Variants in ADAM12 observed in about 807,000 individuals in gnomAD.
ADAM12 encodes ADAM metallopeptidase domain 12.
ADAM12 carries 70 observed loss-of-function variants against 106.4 expected under a neutral mutation model. That is an observed-to-expected ratio of 0.66 (90% CI 0.54 to 0.80). The LOEUF is 0.80. Ranked by LOEUF, ADAM12 falls within the 30% of genes least tolerant of loss-of-function variation. ADAM12 has a pLI of 0.00. For synonymous variants in ADAM12, 420 were observed against 433.5 expected (o/e 0.97, Z 0.39); for missense variants, 1,010 against 1,171.9 (o/e 0.86, Z 2.02).
intron 19 of ADAM12, among the ~76,000 whole-genome samples, 154 bp from the exon 20 acceptor site, chr10:126,038,503 G>A (rs1954098795): frequency 6.6e-6 from 1 of 152,156 alleles, no homozygotes; most frequent in South Asian, 2.1e-4. Context: ...ACACTCTTAG[G>A]AGATTAAAAA....
chr10:126,118,038 C>G lies in ADAM12; in HGVS notation c.603G>C (p.Arg201Ser), dbSNP rs780175862. The change falls in exon 6 of 23, where the codon AGG becomes AGC. Residue 201 changes from arginine (R) to serine (S), a missense_variant and splice_region_variant. Arg to Ser is a moderately radical substitution (Grantham distance 110). Around this residue, in one of 3 missense-constraint regions of ADAM12, gnomAD observed 391 missense variants for 442.9 expected, o/e 0.88. Transcript: ENST00000448723. ...FPPPSQTWARRHKRETLKATK... is the reference protein window; with the variant it reads ...FPPPSQTWARSHKRETLKATK... ...ACACAAAATCAGGTATCCCCCTTAC[C>G]CTTCTTGCCCATGTCTGAGAGGGTG... 1 of 1,613,996 alleles carries G rather than the reference C, an allele frequency of 6.2e-7. No homozygotes were observed. Among genetic ancestry groups the G allele is most frequent in the East Asian group, 2.2e-5 (1 of 44,876 alleles).
chr10:126,133,575 C>G (rs1224949980), intron 5 of ADAM12, among the ~76,000 whole-genome samples: 1 of 152,186 alleles, frequency 6.6e-6, no homozygotes, highest in Non-Finnish European at 1.5e-5. Flanking sequence ...TATTTCCAGC[C>G]TGGCAGCTGG....
intron 3 of ADAM12, among the ~76,000 whole-genome samples, chr10:126,165,612 C>T (rs1444027472): frequency 6.6e-6 from 1 of 152,204 alleles, no homozygotes; most frequent in Non-Finnish European, 1.5e-5. Flanking sequence ...GGAGACTAAA[C>T]TTGACTCTAT....
chr10:126,019,759 G>A lies in ADAM12; in HGVS notation c.2596C>T (p.Leu866Phe). 6.2e-7 allele frequency: 1 copy of A among 1,614,150 alleles called. No homozygotes were observed. The highest frequency in any genetic ancestry group is 8.5e-7 in the Non-Finnish European group (1 of 1,180,010). Residue 866 changes from leucine (L) to phenylalanine (F), a missense_variant, in exon 22 of 23, where the codon CTC becomes TTC. Transcript: ENST00000448723. ...GGGGTCCTGGCCAAGGCATGAGTGAGCCGAGTTGTTCTGGCCAGAGGATCT... is the reference window on the plus strand; with the variant it reads ...GGGGTCCTGGCCAAGGCATGAGTGAACCGAGTTGTTCTGGCCAGAGGATCT... ...PADPLARTTR[L>F]THALARTPGQ... is the part of the protein sequence containing the mutation.
chr10:126,298,223 GA>G (rs1051579888), intron 2 of ADAM12, among the ~76,000 whole-genome samples: 5 of 150,812 alleles, frequency 3.3e-5, no homozygotes, highest in Non-Finnish European at 7.4e-5. Flanking sequence ...TGAAATACAA[GA>G]AAAAAACCAC....
chr10:126,335,104 G>A (rs912043838), intron 1 of ADAM12, among the ~76,000 whole-genome samples: 1 of 152,246 alleles, frequency 6.6e-6, no homozygotes, highest in African/African-American at 2.4e-5. Flanking sequence ...CTTTGAGGCA[G>A]TGTCTGTTTA....
At position 126,041,263 on chromosome 10, in the gene ADAM12, G is replaced by A. The variant is rs547582181; in HGVS notation, c.2104+1777C>T. On this transcript the variant is annotated intron_variant, in intron 18 of 22. Coordinates refer to ENST00000448723, the MANE Select transcript of ADAM12 (RefSeq NM_001288973.2). ...TTGTTTAATGAGCCCCTGAGCCATGGCCAGGCCAGGGAGCAGTGAGCCATG... is the reference window on the plus strand; with the variant it reads ...TTGTTTAATGAGCCCCTGAGCCATGACCAGGCCAGGGAGCAGTGAGCCATG... 1.5e-5 allele frequency: 14 copies of A among 916,462 alleles called. No homozygotes were observed. In the South Asian group the frequency reaches 7.0e-4, roughly 46 times the overall value. 56.8% of individuals were successfully genotyped at this position (916,462 alleles called of 1,614,324 possible). A position where few individuals can be genotyped will look rare whatever the true frequency, so the allele number is the denominator to read the frequency against.
intron 21 of ADAM12, among the ~76,000 whole-genome samples, chr10:126,022,985 G>A (rs1484806835): frequency 6.6e-6 from 1 of 152,130 alleles, no homozygotes; most frequent in Non-Finnish European, 1.5e-5. Context: ...ACTTTGCCTT[G>A]ACCAGCATCA....
At chr10:126,019,909 G>A in intron 21 of ADAM12, 84 bp from the exon 22 acceptor site, 1 of 1,438,394 alleles carries the variant, frequency 7.0e-7, no homozygotes, top group Non-Finnish European at 9.2e-7. Context: ...GCTTGGCACA[G>A]GCCCTGCTTC....
intron 11 of ADAM12, among the ~76,000 whole-genome samples, chr10:126,081,761 T>A (rs982831772): frequency 1.3e-5 from 2 of 152,238 alleles, no homozygotes; most frequent in African/African-American, 4.8e-5. Context: ...TTCCAAGCAC[T>A]GTGAAATGCT....
At chr10:126,168,358 C>T (rs1283388023) in intron 3 of ADAM12, among the ~76,000 whole-genome samples, 1 of 152,196 alleles carries the variant, frequency 6.6e-6, no homozygotes, top group African/African-American at 2.4e-5. Context: ...TCTTTTATGA[C>T]TTTGAATATG....
chr10:126,292,201 C>T (rs1455738115), intron 2 of ADAM12, among the ~76,000 whole-genome samples: 1 of 152,126 alleles, frequency 6.6e-6, no homozygotes, highest in Non-Finnish European at 1.5e-5. Context: ...CTCACCAGCT[C>T]ATTTCACATT....
intron 1 of ADAM12, among the ~76,000 whole-genome samples, chr10:126,364,445 C>T (rs1317152065): frequency 2.0e-5 from 3 of 151,996 alleles, no homozygotes; most frequent in Non-Finnish European, 4.4e-5. Context: ...TCTACTAAAA[C>T]CAGCAAGACA....
chr10:126,085,303 G>T (rs369535129), intron 11 of ADAM12, among the ~76,000 whole-genome samples: 1 of 152,112 alleles, frequency 6.6e-6, no homozygotes, highest in East Asian at 1.9e-4. Flanking sequence ...GAATGATGTG[G>T]AATAAACAAA....
At chr10:126,272,539 T>A (rs1279349050) in intron 3 of ADAM12, among the ~76,000 whole-genome samples, 1 of 152,238 alleles carries the variant, frequency 6.6e-6, no homozygotes, top group Non-Finnish European at 1.5e-5. Flanking sequence ...ATAAAGATTC[T>A]GATAAAGATC....
At chr10:126,096,446 A>T (rs1955560356) in intron 10 of ADAM12, among the ~76,000 whole-genome samples, 1 of 152,268 alleles carries the variant, frequency 6.6e-6, no homozygotes, top group African/African-American at 2.4e-5. Flanking sequence ...TAGGCCAGTT[A>T]GATAAAAAGG....
At chr10:126,093,007 C>G (rs11244808) in intron 11 of ADAM12, among the ~76,000 whole-genome samples, 28,323 of 152,154 alleles carry the variant, frequency 0.19, 3,840 homozygotes, top group African/African-American at 0.37. Flanking sequence ...CCACGCTTGT[C>G]CCCTGGCCAG....
intron 3 of ADAM12, among the ~76,000 whole-genome samples, chr10:126,206,316 A>T (rs7920519): frequency 0.66 from 99,857 of 152,094 alleles, 36,506 homozygotes; most frequent in Non-Finnish European, 0.82. Context: ...AGGCTTCAAG[A>T]TCCTAAATCC....
At chr10:126,338,504 G>A (rs898287352) in intron 1 of ADAM12, among the ~76,000 whole-genome samples, 3 of 151,922 alleles carry the variant, frequency 2.0e-5, no homozygotes, top group South Asian at 2.1e-4. Context: ...CGCCCGCCTC[G>A]GCCTCCCAAA....
Sources: gnomAD v4.1 joint callset for allele counts (sites outside exome capture counted in the v4.1 genomes callset) on GRCh38, gnomAD v4.1.1 for gene constraint, gnomAD v4.1.1 regional missense constraint, MANE v1.5 for transcripts, NCBI Gene and HGNC (gene_info 2026-07-23, HGNC 2026-07-21) for gene names.